The following MINAR1 variants were observed in gnomAD, a reference collection of about 807,000 sequenced individuals.
MINAR1 encodes the protein membrane integral NOTCH2 associated receptor 1.
Under a neutral mutation model 65.1 loss-of-function variants are expected in MINAR1, and 40 were observed. That is an observed-to-expected ratio of 0.61 (90% CI 0.48 to 0.80). MINAR1 has a LOEUF of 0.80. Ranked by LOEUF, MINAR1 falls within the 30% of genes least tolerant of loss-of-function variation. The pLI, the probability that MINAR1 is intolerant of heterozygous loss-of-function variation, is 0.00. For missense variants in MINAR1, 1,128 were observed against 1,148.0 expected (o/e 0.98, Z 0.25); for synonymous variants, 482 against 449.1 (o/e 1.07, Z -0.93).
intron 1 of MINAR1, among the ~76,000 whole-genome samples, chr15:79,445,007 A>G (rs950684718): frequency 8.6e-5 from 13 of 151,976 alleles, no homozygotes; most frequent in Non-Finnish European, 8.8e-5. Context: ...TGTGAATTTC[A>G]TATATTTCCT....
intron 3 of MINAR1, chr15:79,463,562 T>C: frequency 1.5e-6 from 1 of 661,566 alleles, no homozygotes. Context: ...GATTTATGTA[T>C]TTTTTATCGG....
rs1427047408 is a variant in MINAR1 at position 79,457,270 on chromosome 15, G to A, written c.1123G>A (p.Glu375Lys). ...CAAAAGCTGGAGCCTAAACACAGAG[G>A]AAGTTCCTGACTTTGAACGGTCCTT... ...PAKSWSLNTE[E>K]VPDFERSFFN... The change falls in exon 2 of 4, where the codon GAA (glutamate) becomes AAA (lysine). Residue 375 changes from glutamate to lysine, a missense_variant. Physicochemically the swap from Glu to Lys is moderately conservative, Grantham distance 56. Transcript: ENST00000305428. 6.2e-7 allele frequency: 1 copy of A among 1,614,184 alleles called. No individual in the cohort carries two copies. The highest frequency in any genetic ancestry group is 1.7e-5 in the Admixed American group (1 of 60,024).
the MINAR1 span, chr15:79,419,212 G>A: frequency 6.6e-6 from 1 of 152,246 alleles, no homozygotes; most frequent in African/African-American, 2.4e-5. Flanking sequence ...CTGGGAGGCA[G>A]AGTATTTCCT....
intron 1 of MINAR1, among the ~76,000 whole-genome samples, chr15:79,451,389 G>A (rs1895194787): frequency 6.6e-6 from 1 of 152,184 alleles, no homozygotes; most frequent in South Asian, 2.1e-4. Flanking sequence ...AGGAGACTCT[G>A]GGACCTGGCG....
chr15:79,424,608 A>G, the MINAR1 span: 1 of 152,380 alleles, frequency 6.6e-6, no homozygotes, highest in Admixed American at 6.5e-5. Context: ...ATAAAATTGC[A>G]TGAAAGTACA....
rs79615418 is a variant in MINAR1 at position 79,455,123 on chromosome 15, C to A, written c.-50-975C>A. Among the ~76,000 whole-genome samples, 567 of 152,146 alleles carry A rather than the reference C, an allele frequency of 3.7e-3. 3 individuals carry two copies. Among genetic ancestry groups the A allele is most frequent in the African/African-American group, 0.013 (530 of 41,508 alleles). ...TCCAGATCTTGGGTATATTAGTGTT[C>A]ATTATAAAATTCTTTCAACTTTGCT... is the stretch of plus-strand genomic sequence containing the variant. On this transcript the variant is annotated intron_variant, in intron 1 of 3. Coordinates refer to ENST00000305428, the MANE Select transcript of MINAR1 (RefSeq NM_015206.3).
Position 79,456,690 on chromosome 15 carries a change from T to C in MINAR1, c.543T>C (p.Val181=), listed in dbSNP as rs139580524. The stretch of plus-strand genomic sequence containing the variant: ...CTGAGCCTAACTTCCTGTTGGGAGT[T>C]AGCAAAGAGGTGAAAAACCGCGCCG... ...PASEPNFLLG[V]SKEVKNRAAS... Residue 181 remains valine (V), a synonymous_variant, in exon 2 of 4, where the codon GTT becomes GTC. Coordinates refer to ENST00000305428, the MANE Select transcript of MINAR1 (RefSeq NM_015206.3). 1.0e-3 allele frequency: 1,634 copies of C among 1,614,112 alleles called. 4 individuals are homozygous for C. Among genetic ancestry groups the C allele is most frequent in the Non-Finnish European group, 1.2e-3 (1,459 of 1,180,014 alleles).
rs774431554 is a variant in MINAR1, at chr15:79,458,481, GCTTCAT to G, written c.2298+38_2298+43del. Reference sequence around the variant, plus strand: ...TTTAAGTTCACATAATCGGGCACCAGCTTCATCATAGCCCTGGTGTATTTCAAAGCC... The same window carrying G: ...TTTAAGTTCACATAATCGGGCACCAGCATAGCCCTGGTGTATTTCAAAGCC... On this transcript the variant is annotated intron_variant, in intron 2 of 3. Coordinates refer to ENST00000305428, the MANE Select transcript of MINAR1 (RefSeq NM_015206.3). 19 of 1,590,130 alleles carry G rather than the reference GCTTCAT, an allele frequency of 1.2e-5. No individual in the cohort carries two copies. In the African/African-American group the frequency reaches 2.3e-4, roughly 19 times the overall value.
chr15:79,467,941 G>C (rs1287914026), intron 3 of MINAR1, among the ~76,000 whole-genome samples: 1 of 152,020 alleles, frequency 6.6e-6, no homozygotes, highest in Non-Finnish European at 1.5e-5. Context: ...AAGACCCTTG[G>C]GTTTCTCTGT....
In MINAR1 at chr15:79,458,120, G is replaced by A. The variant is rs753332682; in HGVS notation, c.1973G>A (p.Ser658Asn). 8.1e-6 allele frequency: 13 copies of A among 1,614,062 alleles called. No homozygotes were observed. Among genetic ancestry groups the A allele is most frequent in the Non-Finnish European group, 4.2e-6 (5 of 1,180,038 alleles). The change falls in exon 2 of 4, where the codon AGT (serine) becomes AAT (asparagine). Residue 658 changes from serine to asparagine, a missense_variant. Coordinates refer to ENST00000305428, the MANE Select transcript of MINAR1 (RefSeq NM_015206.3). ...ACAAGCGAGGGTCCGTCTGATGACAGTGCCTCTCCCCGGATGTTCCACGCA... is the reference window on the plus strand; with the variant it reads ...ACAAGCGAGGGTCCGTCTGATGACAATGCCTCTCCCCGGATGTTCCACGCA... ...SLTSEGPSDD[S>N]ASPRMFHAHS...
rs1430970835 is a variant in MINAR1, at chr15:79,463,306, AGCCCTGG to A, written c.2539_2545del (p.Ala847ThrfsTer8). The A allele has an allele frequency of 1.2e-6, 2 of 1,613,246 alleles. No individual in the cohort carries two copies. Among genetic ancestry groups the A allele is most frequent in the Non-Finnish European group, 1.7e-6 (2 of 1,179,302 alleles). The stretch of plus-strand genomic sequence containing the variant: ...ATGCGGGCGACAAGGGCAAGCTGAC[AGCCCTGG>A]ACCTGCAGGTGAGCCTCTCACTGTC... On this transcript the variant is annotated frameshift_variant, in exon 3 of 4. Coordinates refer to ENST00000305428, the MANE Select transcript of MINAR1 (RefSeq NM_015206.3). LOFTEE classifies it high-confidence loss of function.
chr15:79,440,058 A>G (rs1179790336), intron 1 of MINAR1, among the ~76,000 whole-genome samples: 1 of 152,102 alleles, frequency 6.6e-6, no homozygotes, highest in Non-Finnish European at 1.5e-5. Flanking sequence ...TTAAAGAACC[A>G]TGGATCATTA....
chr15:79,426,969 C>G, the MINAR1 span: 1 of 152,160 alleles, frequency 6.6e-6, no homozygotes, highest in Non-Finnish European at 1.5e-5. Flanking sequence ...CACATGCACA[C>G]GTATGTTCAT....
the MINAR1 span, chr15:79,423,430 G>A: frequency 6.6e-6 from 1 of 152,160 alleles, no homozygotes; most frequent in African/African-American, 2.4e-5. Flanking sequence ...TTTCTTTTGA[G>A]TGTTGTAACA....
chr15:79,456,541 G>A lies in MINAR1; in HGVS notation c.394G>A (p.Ala132Thr). 1.2e-6 allele frequency: 2 copies of A among 1,614,086 alleles called. No individual in the cohort carries two copies. The highest frequency in any genetic ancestry group is 1.7e-6 in the Non-Finnish European group (2 of 1,180,024). The stretch of plus-strand genomic sequence containing the variant: ...GTCGGACACAGAGATCTGCAATGCA[G>A]CTGAGTGTGAGCCCCTGAACTGTGA... ...CRSDTEICNAAECEPLNCELS... is the reference protein window; with the variant it reads ...CRSDTEICNATECEPLNCELS... The change falls in exon 2 of 4, where the codon GCT (alanine) becomes ACT (threonine). Residue 132 changes from alanine (A) to threonine (T), a missense_variant. Coordinates refer to ENST00000305428, the MANE Select transcript of MINAR1 (RefSeq NM_015206.3).
Position 79,457,618 on chromosome 15 carries a change from T to A in MINAR1, c.1471T>A (p.Cys491Ser), listed in dbSNP as rs1270892151. The A allele has an allele frequency of 6.2e-7, 1 of 1,614,064 alleles. No homozygotes were observed. Among genetic ancestry groups the A allele is most frequent in the Non-Finnish European group, 8.5e-7 (1 of 1,180,048 alleles). ...VLEPKKCRDL[C>S]TSGQGKYSDR... The stretch of plus-strand genomic sequence containing the variant: ...GGAGCCCAAGAAATGCAGAGACCTG[T>A]GCACCTCTGGTCAGGGCAAGTACAG... Residue 491 changes from cysteine to serine, a missense_variant, in exon 2 of 4, where the codon TGC becomes AGC. Cys to Ser is a moderately radical substitution (Grantham distance 112). Transcript: ENST00000305428.
chr15:79,435,524 G>C (rs1414541168), intron 1 of MINAR1, among the ~76,000 whole-genome samples: 2 of 152,182 alleles, frequency 1.3e-5, no homozygotes, highest in Non-Finnish European at 2.9e-5. Flanking sequence ...GATCCTCCTG[G>C]ATGGCTAGCT....
Position 79,469,964 on chromosome 15 carries a change from T to A in MINAR1, c.*1580T>A, listed in dbSNP as rs1490625373. ...ATCGCAAATAATGCTTAGCTTGCTGTGTCTGATTCTGTTGTTCACCATTAA... is the reference window on the plus strand; with the variant it reads ...ATCGCAAATAATGCTTAGCTTGCTGAGTCTGATTCTGTTGTTCACCATTAA... On this transcript the variant is annotated 3_prime_UTR_variant, in exon 4 of 4. Coordinates refer to ENST00000305428, the MANE Select transcript of MINAR1 (RefSeq NM_015206.3). 3 of 152,792 alleles carry A rather than the reference T, an allele frequency of 2.0e-5. No individual in the cohort carries two copies. The highest frequency in any genetic ancestry group is 2.0e-4 in the Admixed American group (3 of 15,300). The allele number at this position is 152,792 out of a possible 1,614,324, so 9.5% of individuals were successfully genotyped here.
intron 2 of MINAR1, among the ~76,000 whole-genome samples, chr15:79,461,450 C>G (rs1895637682): frequency 6.6e-6 from 1 of 152,214 alleles, no homozygotes; most frequent in African/African-American, 2.4e-5. Context: ...GTTATTATCA[C>G]CATCTCCCCT....
Sources: gnomAD v4.1 joint callset for allele counts (sites outside exome capture counted in the v4.1 genomes callset) on GRCh38, gnomAD v4.1.1 for gene constraint, MANE v1.5 for transcripts, NCBI Gene and HGNC (gene_info 2026-07-23, HGNC 2026-07-21) for gene names.